The following INPP4B variants were observed in gnomAD, a reference collection of about 807,000 sequenced individuals.
INPP4B encodes inositol polyphosphate-4-phosphatase type II B, also known as inositol polyphosphate 4-phosphatase type II.
INPP4B carries 55 observed loss-of-function variants against 122.5 expected under a neutral mutation model. That is an observed-to-expected ratio of 0.45 (90% CI 0.36 to 0.56). INPP4B has a LOEUF of 0.56. INPP4B is among the 20% of genes least tolerant of loss of function. The probability of loss-of-function intolerance (pLI) is 0.00; values close to 1 mark genes in which losing one functional copy is unlikely to be tolerated. For synonymous variants in INPP4B, 403 were observed against 388.7 expected, an observed-to-expected ratio of 1.04 and a Z score of -0.43; for missense variants, 1,000 against 1,097.7, an observed-to-expected ratio of 0.91 and a Z score of 1.26.
At chr4:142,236,437 C>A (rs551859729) in intron 12 of INPP4B, among the ~76,000 whole-genome samples, 1 of 152,264 alleles carries the variant, frequency 6.6e-6, no homozygotes, top group South Asian at 2.1e-4. Context: ...GATAACTTGG[C>A]TTCTTAACTT....
At chr4:142,394,377 C>T (rs1798681498) in intron 7 of INPP4B, among the ~76,000 whole-genome samples, 2 of 152,170 alleles carry the variant, frequency 1.3e-5, no homozygotes, top group Admixed American at 6.5e-5. Context: ...GATCTCCTGA[C>T]CTCGTGATCT....
intron 2 of INPP4B, among the ~76,000 whole-genome samples, chr4:142,625,632 C>A (rs1295983135): frequency 6.6e-6 from 1 of 151,990 alleles, no homozygotes; most frequent in African/African-American, 2.4e-5. Flanking sequence ...GAAAAAACTA[C>A]TTTAAAGTTC....
chr4:142,080,521 C>A (rs2152522542), intron 25 of INPP4B, among the ~76,000 whole-genome samples: 1 of 152,130 alleles, frequency 6.6e-6, no homozygotes, highest in East Asian at 1.9e-4. Flanking sequence ...CTTAAAAACA[C>A]AAAAATGAAT....
chr4:142,420,768 T>C (rs1806705270), intron 5 of INPP4B, among the ~76,000 whole-genome samples: 1 of 152,120 alleles, frequency 6.6e-6, no homozygotes, highest in Non-Finnish European at 1.5e-5. Context: ...CTGTTGAGCC[T>C]GTAATAGGAA....
At chr4:142,033,839 G>GT (rs909364146) in intron 25 of INPP4B, among the ~76,000 whole-genome samples, 13 of 28,736 alleles carry the variant, frequency 4.5e-4, no homozygotes, top group African/African-American at 6.9e-4. Flanking sequence ...TAATTTTTGT[G>GT]TTTTTTTAAT....
intron 16 of INPP4B, among the ~76,000 whole-genome samples, chr4:142,169,891 T>TA (rs1824721737): frequency 6.6e-6 from 1 of 151,652 alleles, no homozygotes; most frequent in Admixed American, 6.6e-5. Context: ...TAATGACTTA[T>TA]TAAACAAGGT....
intron 7 of INPP4B, among the ~76,000 whole-genome samples, chr4:142,315,555 C>T (rs182086200): frequency 8.6e-5 from 13 of 151,998 alleles, no homozygotes; most frequent in South Asian, 8.3e-4. Context: ...ACTCTTGGTG[C>T]GCCTCCATGC....
chr4:142,626,363 G>A (rs189666590), intron 2 of INPP4B, among the ~76,000 whole-genome samples: 15 of 152,096 alleles, frequency 9.9e-5, no homozygotes, highest in Admixed American at 8.5e-4. Context: ...TCTTCTTTAA[G>A]TCAGAAAGAT....
At chr4:142,252,927 G>A (rs1466413375) in intron 11 of INPP4B, among the ~76,000 whole-genome samples, 5 of 152,168 alleles carry the variant, frequency 3.3e-5, no homozygotes, top group African/African-American at 9.7e-5. Flanking sequence ...TCGTCATGGT[G>A]CAAACATCAT....
intron 2 of INPP4B, among the ~76,000 whole-genome samples, chr4:142,607,342 T>G (rs576526447): frequency 2.7e-3 from 409 of 152,240 alleles, no homozygotes; most frequent in African/African-American, 9.1e-3. Flanking sequence ...TATTAAAGGC[T>G]ATAGCAGTAG....
chr4:142,189,378 A>T (rs1277818465), intron 15 of INPP4B, among the ~76,000 whole-genome samples: 3 of 152,174 alleles, frequency 2.0e-5, no homozygotes, highest in African/African-American at 7.2e-5. Context: ...TGCCTGTTGT[A>T]TTTGATCTAT....
At chr4:142,680,441 T>C (rs918720726) in intron 2 of INPP4B, among the ~76,000 whole-genome samples, 4 of 151,830 alleles carry the variant, frequency 2.6e-5, no homozygotes, top group African/African-American at 9.7e-5. Context: ...TACTTCTCCC[T>C]CTAAAATATA....
chr4:142,175,002 C>T (rs537964638), intron 15 of INPP4B, among the ~76,000 whole-genome samples: 1 of 151,978 alleles, frequency 6.6e-6, no homozygotes, highest in Non-Finnish European at 1.5e-5. Context: ...AATCTTTGAT[C>T]CATTTCATCA....
At chr4:142,166,610 A>G (rs1379541688) in intron 16 of INPP4B, among the ~76,000 whole-genome samples, 1 of 151,828 alleles carries the variant, frequency 6.6e-6, no homozygotes, top group East Asian at 1.9e-4. Context: ...GACCACCTAC[A>G]GAGTAAGAGA....
intron 14 of INPP4B, among the ~76,000 whole-genome samples, chr4:142,197,206 T>C (rs1579255292): frequency 1.3e-5 from 2 of 150,850 alleles, no homozygotes; most frequent in African/African-American, 4.9e-5. Context: ...GCTTGGCACA[T>C]GGGAGGTACT....
chr4:142,781,854 A>C (rs1774876111), intron 1 of INPP4B, among the ~76,000 whole-genome samples: 1 of 151,948 alleles, frequency 6.6e-6, no homozygotes, highest in African/African-American at 2.4e-5. Flanking sequence ...AACAATAAGA[A>C]TCTAATTACT....
intron 2 of INPP4B, among the ~76,000 whole-genome samples, chr4:142,604,359 T>C (rs1215669391): frequency 6.6e-6 from 1 of 152,078 alleles, no homozygotes; most frequent in Non-Finnish European, 1.5e-5. Flanking sequence ...TTTATCATAA[T>C]ACTGTAAGTT....
At chr4:142,580,855 C>T (rs1734904551) in intron 2 of INPP4B, among the ~76,000 whole-genome samples, 1 of 151,986 alleles carries the variant, frequency 6.6e-6, no homozygotes, top group Non-Finnish European at 1.5e-5. Flanking sequence ...TTGCAAGGTG[C>T]TGTTTCATAA....
chr4:142,457,925 A>G (rs754608128), intron 3 of INPP4B, among the ~76,000 whole-genome samples: 52 of 152,320 alleles, frequency 3.4e-4, no homozygotes, highest in Admixed American at 7.8e-4. Flanking sequence ...AAAATTAAAT[A>G]CACACCTACA....
Sources: allele counts gnomAD v4.1 joint callset (sites outside exome capture counted in the v4.1 genomes callset), GRCh38; gene constraint gnomAD v4.1.1; transcripts MANE v1.5; gene names NCBI Gene and HGNC (gene_info 2026-07-23, HGNC 2026-07-21).